The following SH3GL2 variants were observed in gnomAD, a reference collection of about 807,000 sequenced individuals.
SH3GL2 encodes the protein SH3 domain containing GRB2 like 2, endophilin A1, also known as endophilin-A1.
SH3GL2 carries 24 observed loss-of-function variants against 46.0 expected under a neutral mutation model. That is an observed-to-expected ratio of 0.52 (90% confidence interval 0.38 to 0.73). SH3GL2 has a LOEUF of 0.73. SH3GL2 is among the 30% of genes least tolerant of loss of function. The pLI is 0.00. For missense variants in SH3GL2, 413 were observed against 424.2 expected (o/e 0.97, Z 0.23); for synonymous variants, 196 against 147.1 (o/e 1.33, Z -2.40).
chr9:17,734,506 G>A (rs181119971), intron 1 of SH3GL2, among the ~76,000 whole-genome samples: 2 of 152,136 alleles, frequency 1.3e-5, no homozygotes, highest in East Asian at 3.9e-4. Context: ...AAAGTTAAGA[G>A]GTAAGACATT....
At chr9:17,764,663 T>A (rs907512099) in intron 3 of SH3GL2, among the ~76,000 whole-genome samples, 4 of 145,784 alleles carry the variant, frequency 2.7e-5, no homozygotes, top group Non-Finnish European at 6.0e-5. Flanking sequence ...TGTATTAGAT[T>A]ACTGCTCCCG....
intron 1 of SH3GL2, among the ~76,000 whole-genome samples, chr9:17,684,094 G>A (rs1434952648): frequency 2.0e-5 from 3 of 151,972 alleles, no homozygotes; most frequent in Non-Finnish European, 4.4e-5. Context: ...AAGAAACAAA[G>A]CAATCAATAG....
intron 1 of SH3GL2, among the ~76,000 whole-genome samples, chr9:17,640,958 A>G (rs1181354135): frequency 6.6e-6 from 1 of 152,212 alleles, no homozygotes; most frequent in Non-Finnish European, 1.5e-5. Context: ...GCTTCCTGAT[A>G]GAGATTATCT....
At position 17,759,613 on chromosome 9, in the gene SH3GL2, T is replaced by A. The variant is rs73414681; in HGVS notation, c.115-1824T>A. ...GTGAGCATTGAGTGTGTAAAGATAT[T>A]TATAGTCCTTAGAACAGTTTCTGAC... On this transcript the variant is annotated intron_variant, in intron 2 of 8. Coordinates refer to ENST00000380607, the MANE Select transcript of SH3GL2 (RefSeq NM_003026.5). Among the ~76,000 whole-genome samples, 1,105 of 152,210 alleles carry A rather than the reference T, an allele frequency of 7.3e-3. 16 individuals are homozygous for A. The highest frequency in any genetic ancestry group is 0.026 in the African/African-American group (1,063 of 41,512).
chr9:17,594,443 A>C (rs985827494), intron 1 of SH3GL2, among the ~76,000 whole-genome samples: 3 of 151,482 alleles, frequency 2.0e-5, no homozygotes, highest in Non-Finnish European at 4.4e-5. Flanking sequence ...ATGTGCAATG[A>C]AAATTGCATG....
At chr9:17,764,143 G>A (rs892748136) in intron 3 of SH3GL2, among the ~76,000 whole-genome samples, 5 of 152,186 alleles carry the variant, frequency 3.3e-5, no homozygotes, top group Non-Finnish European at 7.3e-5. Flanking sequence ...GCCATTACAG[G>A]CAATTCGAGG....
intron 3 of SH3GL2, among the ~76,000 whole-genome samples, chr9:17,767,952 G>T (rs553633644): frequency 6.6e-6 from 1 of 152,280 alleles, no homozygotes; most frequent in Non-Finnish European, 1.5e-5. Context: ...TTGAAAATAG[G>T]TTCCTGAAAT....
intron 1 of SH3GL2, among the ~76,000 whole-genome samples, chr9:17,596,169 CTTAAAACTA>C (rs200325514): frequency 0.01 from 1,548 of 152,218 alleles, 26 homozygotes; most frequent in African/African-American, 0.036. Context: ...AGGCATTTAG[CTTAAAACTA>C]TTGGAACACC....
At chr9:17,792,673 TC>T (rs1259992498) in intron 7 of SH3GL2, among the ~76,000 whole-genome samples, 1 of 152,138 alleles carries the variant, frequency 6.6e-6, no homozygotes. Flanking sequence ...ATAGAATAGC[TC>T]CCTTTCACAT....
At chr9:17,683,370 C>T (rs75766700) in intron 1 of SH3GL2, among the ~76,000 whole-genome samples, 15,964 of 152,018 alleles carry the variant, frequency 0.11, 1,085 homozygotes, top group Admixed American at 0.19. Flanking sequence ...CTGGATCCTT[C>T]TCTAACCCTG....
intron 1 of SH3GL2, among the ~76,000 whole-genome samples, chr9:17,609,284 T>A (rs1818817236): frequency 6.6e-6 from 1 of 152,158 alleles, no homozygotes; most frequent in Non-Finnish European, 1.5e-5. Flanking sequence ...CAGAGTTTTT[T>A]TTTTTCTGGA....
At chr9:17,652,776 A>G (rs367894144) in intron 1 of SH3GL2, among the ~76,000 whole-genome samples, 12 of 152,192 alleles carry the variant, frequency 7.9e-5, no homozygotes, top group South Asian at 2.1e-4. Flanking sequence ...TAAATTTTCT[A>G]TCAGTTGCTA....
intron 1 of SH3GL2, among the ~76,000 whole-genome samples, chr9:17,665,753 G>C (rs1158307380): frequency 6.6e-6 from 1 of 151,556 alleles, no homozygotes; most frequent in Non-Finnish European, 1.5e-5. Context: ...GGAGAGTGGT[G>C]TTCAGGTCTT....
chr9:17,714,798 A>G (rs1278279889), intron 1 of SH3GL2, among the ~76,000 whole-genome samples: 1 of 151,932 alleles, frequency 6.6e-6, no homozygotes, highest in South Asian at 2.1e-4. Context: ...ACTCACATAT[A>G]TAACCTGTAA....
rs903371499 is a variant in SH3GL2 at position 17,680,463 on chromosome 9, A to C, written c.46-66603A>C. Among the ~76,000 whole-genome samples the C allele has an allele frequency of 2.0e-5, 3 of 151,910 alleles. No individual in the cohort carries two copies. The South Asian group carries it at 6.2e-4, about 32-fold the overall frequency. On this transcript the variant is annotated intron_variant, in intron 1 of 8. Transcript: ENST00000380607. ...TGATGGTAGTTTGTATTTCTGTGGG[A>C]TTGGTGGTGATATCCCCTTTATCAT...
intron 2 of SH3GL2, among the ~76,000 whole-genome samples, chr9:17,748,284 T>A (rs781740168): frequency 2.6e-5 from 4 of 152,192 alleles, no homozygotes; most frequent in Non-Finnish European, 5.9e-5. Context: ...GTAATGGATC[T>A]GAGAGTAGCA....
At chr9:17,763,035 G>C (rs1366981522) in intron 3 of SH3GL2, among the ~76,000 whole-genome samples, 1 of 152,188 alleles carries the variant, frequency 6.6e-6, no homozygotes, top group Non-Finnish European at 1.5e-5. Context: ...AAGGCAGTGG[G>C]AGGAGGAATA....
intron 2 of SH3GL2, among the ~76,000 whole-genome samples, chr9:17,756,636 C>T (rs1414596695): frequency 1.3e-5 from 2 of 152,018 alleles, no homozygotes; most frequent in Non-Finnish European, 2.9e-5. Context: ...TCATCCACGT[C>T]CCTACAAAGG....
intron 1 of SH3GL2, among the ~76,000 whole-genome samples, chr9:17,670,941 T>C (rs148301424): frequency 6.6e-6 from 1 of 152,270 alleles, no homozygotes; most frequent in East Asian, 1.9e-4. Flanking sequence ...GCCTGACTAT[T>C]TGCATTTCTG....
Sources: allele counts gnomAD v4.1 joint callset (sites outside exome capture counted in the v4.1 genomes callset), GRCh38; gene constraint gnomAD v4.1.1; transcripts MANE v1.5; gene names NCBI Gene and HGNC (gene_info 2026-07-23, HGNC 2026-07-21).